Variants in DPP9 observed in about 807,000 individuals in gnomAD.
DPP9 encodes dipeptidyl peptidase 9, also known as dipeptidyl peptidase IV-related protein-2.
Under a neutral mutation model 110.7 loss-of-function variants are expected in DPP9, and 50 were observed. That is an observed-to-expected ratio of 0.45 (90% confidence interval 0.36 to 0.57). The LOEUF is 0.57. Ranked by LOEUF, DPP9 falls within the 20% of genes least tolerant of loss-of-function variation. The probability of loss-of-function intolerance (pLI) is 0.00; values close to 1 mark genes in which losing one functional copy is unlikely to be tolerated. For missense variants in DPP9, 1,022 were observed against 1,217.9 expected (o/e 0.84, Z 2.39); for synonymous variants, 561 against 514.4 (o/e 1.09, Z -1.23).
rs759033909 is a variant in DPP9, at chr19:4,685,764, G to A, written c.1893C>T (p.Pro631=). The A allele has an allele frequency of 1.4e-5, 22 of 1,612,832 alleles. No homozygotes were observed. Among genetic ancestry groups the A allele is most frequent in the Admixed American group, 1.2e-4 (7 of 59,996 alleles). ...WASMMEAASC[P]PDYVPPEIFH... ...AGATCTCTGGAGGAACATAATCCGG[G>A]GGGCAGCCTGCGGGAGACAGGGCGG... Residue 631 remains proline, a synonymous_variant, in exon 17 of 22, where the codon CCC becomes CCT. Transcript: ENST00000262960. The surrounding 1 kb of genome is among the most constrained non-coding windows in gnomAD (Gnocchi z 5.8).
At chr19:4,706,419 T>C (rs1333066852) in intron 4 of DPP9, among the ~76,000 whole-genome samples, 1 of 150,896 alleles carries the variant, frequency 6.6e-6, no homozygotes, top group Non-Finnish European at 1.5e-5. Context: ...GAAACAAACA[T>C]CCAACTCTCA....
rs910208986 is a variant in DPP9, at chr19:4,687,966, T to C, written c.1885+791A>G. Among the ~76,000 whole-genome samples the C allele has an allele frequency of 6.6e-6, 1 of 152,036 alleles. No homozygotes were observed. Among genetic ancestry groups the C allele is most frequent in the African/African-American group, 2.4e-5 (1 of 41,388 alleles). On this transcript the variant is annotated intron_variant, in intron 16 of 21. Coordinates refer to ENST00000262960, the MANE Select transcript of DPP9 (RefSeq NM_139159.5). This position sits in a 1 kb window ranked among gnomAD's most constrained non-coding sequence, Gnocchi z 4.7. ...CGCCCGCCACCATGCTCGGCTAATTTTTTGTATTTTTAGTAGAGATGGTGT... is the reference window on the plus strand; with the variant it reads ...CGCCCGCCACCATGCTCGGCTAATTCTTTGTATTTTTAGTAGAGATGGTGT...
At position 4,694,823 on chromosome 19, in the gene DPP9, C is replaced by A; in HGVS notation, c.1354G>T (p.Val452Phe). Reference sequence around the variant, plus strand: ...GGGAAGGGATAGAAGATGTCATGAACCTGTCCGGAAAGCAGATAGAAGATG... The same window carrying A: ...GGGAAGGGATAGAAGATGTCATGAAACTGTCCGGAAAGCAGATAGAAGATG... ...YEEVTNVWINVHDIFYPFPQS... is the reference protein window; with the variant it reads ...YEEVTNVWINFHDIFYPFPQS... Residue 452 changes from valine to phenylalanine, a missense_variant and splice_region_variant, in exon 13 of 22, where the codon GTT becomes TTT. Coordinates refer to ENST00000262960, the MANE Select transcript of DPP9 (RefSeq NM_139159.5). This position sits in a 1 kb window ranked among gnomAD's most constrained non-coding sequence, Gnocchi z 4.0. 6.2e-7 allele frequency: 1 copy of A among 1,613,674 alleles called. No individual in the cohort carries two copies.
intron 21 of DPP9, among the ~76,000 whole-genome samples, chr19:4,678,952 G>A (rs952365690): frequency 2.0e-5 from 3 of 152,012 alleles, no homozygotes; most frequent in East Asian, 1.9e-4. Context: ...CCAACTCTAT[G>A]CTCTGCTCAC....
chr19:4,700,327 G>T lies in DPP9; in HGVS notation c.1013-50C>A. 2 of 1,516,486 alleles carry T rather than the reference G, an allele frequency of 1.3e-6. No homozygotes were observed. Among genetic ancestry groups the T allele is most frequent in the East Asian group, 2.4e-5 (1 of 42,244 alleles). The allele number at this position is 1,516,486 out of a possible 1,614,324, so 93.9% of individuals were successfully genotyped here. A position where few individuals can be genotyped will look rare whatever the true frequency, so the allele number is the denominator to read the frequency against. Reference sequence around the variant, plus strand: ...CACCAGGCAGGCATCACCCGTGTGTGCCGAGAGCCGGCACGGGGGGCCTGG... The same window carrying T: ...CACCAGGCAGGCATCACCCGTGTGTTCCGAGAGCCGGCACGGGGGGCCTGG... On this transcript the variant is annotated intron_variant, in intron 9 of 21. Coordinates refer to ENST00000262960, the MANE Select transcript of DPP9 (RefSeq NM_139159.5). This position sits in a 1 kb window ranked among gnomAD's most constrained non-coding sequence, Gnocchi z 4.3.
chr19:4,714,443 C>T (rs1280185273), intron 3 of DPP9, 106 bp from the exon 4 acceptor site: 3 of 1,395,034 alleles, frequency 2.2e-6, no homozygotes, highest in South Asian at 1.5e-5. Context: ...ACGAGCCCCA[C>T]CCCTGCCGCT....
At chr19:4,686,365 G>A (rs371466642) in intron 16 of DPP9, among the ~76,000 whole-genome samples, 4 of 149,516 alleles carry the variant, frequency 2.7e-5, no homozygotes, top group Admixed American at 1.3e-4. Flanking sequence ...TGTCACCCAG[G>A]CTGCAATGCA....
In DPP9 at chr19:4,676,381, G is replaced by A. The variant is rs987580940; in HGVS notation, c.*183C>T. 3 of 604,080 alleles carry A rather than the reference G, an allele frequency of 5.0e-6. No homozygotes were observed. The highest frequency in any genetic ancestry group is 8.9e-6 in the Non-Finnish European group (3 of 337,442). The allele number at this position is 604,080 out of a possible 1,614,324, so 37.4% of individuals were successfully genotyped here. ...AAGAAGCAGCGGACATAAAACCCAA[G>A]AGCGTTTAAAAAAGGATAAAAGGCG... is the stretch of plus-strand genomic sequence containing the variant. On this transcript the variant is annotated 3_prime_UTR_variant, in exon 22 of 22. Transcript: ENST00000262960. This position sits in a 1 kb window ranked among gnomAD's most constrained non-coding sequence, Gnocchi z 4.0.
chr19:4,689,549 C>T lies in DPP9; in HGVS notation c.1749+21G>A, dbSNP rs767554986. 9.7e-6 allele frequency: 15 copies of T among 1,545,504 alleles called. No individual in the cohort carries two copies. The highest frequency in any genetic ancestry group is 6.8e-5 in the African/African-American group (5 of 73,228). ...CTGTTGGACGGGCACAGGGCGGTGC[C>T]GTGAGGCTGGGCGGTCCCACCTGGC... is the stretch of plus-strand genomic sequence containing the variant. On this transcript the variant is annotated intron_variant, in intron 15 of 21. Transcript: ENST00000262960. The surrounding 1 kb of genome is among the most constrained non-coding windows in gnomAD (Gnocchi z 7.0).
rs1036267216 is a variant in DPP9, at chr19:4,693,580, C to T, written c.1516+1081G>A. ...GATCCCCCACCCTTTCCACTGCAAA[C>T]GGTGTGGGCTCAGCTGTCCAAGCAC... On this transcript the variant is annotated intron_variant, in intron 13 of 21. Transcript: ENST00000262960. This position sits in a 1 kb window ranked among gnomAD's most constrained non-coding sequence, Gnocchi z 5.0. Among the ~76,000 whole-genome samples the T allele has an allele frequency of 6.6e-6, 1 of 152,130 alleles. No individual in the cohort carries two copies. Among genetic ancestry groups the T allele is most frequent in the Non-Finnish European group, 1.5e-5 (1 of 68,002 alleles).
Position 4,714,255 on chromosome 19 carries a change from C to A in DPP9, c.139G>T (p.Asp47Tyr). Reference protein sequence around the residue: ...TADRGDAAATDDPAARFQVQK... With the variant: ...TADRGDAAATYDPAARFQVQK... The stretch of plus-strand genomic sequence containing the variant: ...ACCTGGAAGCGGGCGGCCGGGTCAT[C>A]TGTGGCGGCTGCGTCGCCTCGGTCG... Residue 47 changes from aspartate to tyrosine, a missense_variant, in exon 4 of 22, where the codon GAT (aspartate) becomes TAT (tyrosine). By Grantham distance (160) the Asp-to-Tyr change is radical (BLOSUM62 -3). Around this residue, in one of 3 missense-constraint regions of DPP9, gnomAD observed 810 missense variants for 920.6 expected, o/e 0.88. Transcript: ENST00000262960. The A allele has an allele frequency of 6.3e-7, 1 of 1,578,992 alleles. No individual in the cohort carries two copies. The highest frequency in any genetic ancestry group is 2.3e-5 in the East Asian group (1 of 42,992).
At chr19:4,716,859 G>A (rs1369192598) in intron 3 of DPP9, among the ~76,000 whole-genome samples, 1 of 152,128 alleles carries the variant, frequency 6.6e-6, no homozygotes, top group Non-Finnish European at 1.5e-5. Context: ...GATAAGCCCA[G>A]CAATTACAGC....
chr19:4,705,719 A>C, intron 5 of DPP9, 139 bp downstream of exon 5: 1 of 728,136 alleles, frequency 1.4e-6, no homozygotes, highest in Non-Finnish European at 2.3e-6. Context: ...CTCACCCGCC[A>C]GAGTCCACAG....
Position 4,689,861 on chromosome 19 carries a change from C to A in DPP9, c.1597-139G>T. The A allele has an allele frequency of 2.1e-6, 2 of 971,398 alleles. No homozygotes were observed. The highest frequency in any genetic ancestry group is 2.9e-6 in the Non-Finnish European group (2 of 682,088). 60.2% of individuals were successfully genotyped at this position (971,398 alleles called of 1,614,324 possible). ...TCCTCGCCCAAGTCTGGCTTTAGGG[C>A]TGGAGATGAACCATCCCTGAGAGAT... On this transcript the variant is annotated intron_variant, in intron 14 of 21. Coordinates refer to ENST00000262960, the MANE Select transcript of DPP9 (RefSeq NM_139159.5). This position sits in a 1 kb window ranked among gnomAD's most constrained non-coding sequence, Gnocchi z 7.0.
Position 4,695,184 on chromosome 19 carries a change from C to T in DPP9, c.1353+194G>A. The T allele has an allele frequency of 1.7e-6, 1 of 602,242 alleles. No individual in the cohort carries two copies. The highest frequency in any genetic ancestry group is 2.8e-6 in the Non-Finnish European group (1 of 353,120). 37.3% of individuals were successfully genotyped at this position (602,242 alleles called of 1,614,324 possible). A position where few individuals can be genotyped will look rare whatever the true frequency, so the allele number is the denominator to read the frequency against. On this transcript the variant is annotated intron_variant, in intron 12 of 21. Coordinates refer to ENST00000262960, the MANE Select transcript of DPP9 (RefSeq NM_139159.5). This position sits in a 1 kb window ranked among gnomAD's most constrained non-coding sequence, Gnocchi z 4.7. ...AAAAAATAGATGAGGGGAGAGGCTC[C>T]AATGGCTGCCAGACTCACCAACCCC... is the stretch of plus-strand genomic sequence containing the variant.
At position 4,697,575 on chromosome 19, in the gene DPP9, G is replaced by A; in HGVS notation, c.1151C>T (p.Ala384Val). Residue 384 changes from alanine to valine, a missense_variant, in exon 11 of 22, where the codon GCC becomes GTC. By Grantham distance (64) the Ala-to-Val change is moderately conservative. Around this residue, in one of 3 missense-constraint regions of DPP9, gnomAD observed 810 missense variants for 920.6 expected, o/e 0.88. Coordinates refer to ENST00000262960, the MANE Select transcript of DPP9 (RefSeq NM_139159.5). ...CTATTTGCCATCCCGGGTCCACCCG[G>A]CCCTGGCGATGTACTCCACCTTCGG... ...LFPKVEYIAR[A>V]GWTRDGKYAW... The A allele has an allele frequency of 1.9e-6, 3 of 1,613,814 alleles. No homozygotes were observed. Among genetic ancestry groups the A allele is most frequent in the Non-Finnish European group, 2.5e-6 (3 of 1,179,792 alleles).
rs1172639245 is a variant in DPP9, at chr19:4,719,918, C to G, written c.-12G>C. The G allele has an allele frequency of 2.6e-6, 4 of 1,551,734 alleles. No individual in the cohort carries two copies. The Admixed American group carries it at 7.8e-5, about 30-fold the overall frequency. ...TTAACCTTCCGCATTAACCGCTCAG[C>G]TGACCTCAGGAGGGCAGGGGTGCCT... On this transcript the variant is annotated 5_prime_UTR_variant, in exon 3 of 22. Coordinates refer to ENST00000262960, the MANE Select transcript of DPP9 (RefSeq NM_139159.5).
Position 4,701,634 on chromosome 19 carries a change from C to A in DPP9, c.1012+393G>T, listed in dbSNP as rs147866580. Among the ~76,000 whole-genome samples the A allele has an allele frequency of 2.9e-3, 448 of 152,338 alleles. 5 individuals carry two copies. Among genetic ancestry groups the A allele is most frequent in the African/African-American group, 0.01 (418 of 41,572 alleles). ...TCGCTAATATGAAAATCATATGTAT[C>A]TCAAGGTGAATTATTTGTAATCCAA... On this transcript the variant is annotated intron_variant, in intron 9 of 21. Coordinates refer to ENST00000262960, the MANE Select transcript of DPP9 (RefSeq NM_139159.5).
At chr19:4,708,482 T>A (rs1343848213) in intron 4 of DPP9, among the ~76,000 whole-genome samples, 1 of 152,100 alleles carries the variant, frequency 6.6e-6, no homozygotes, top group Non-Finnish European at 1.5e-5. Context: ...GTGGGTTCAG[T>A]GGGATGAAAC....
Sources: gnomAD v4.1 joint callset for allele counts (sites outside exome capture counted in the v4.1 genomes callset) on GRCh38, gnomAD v4.1.1 for gene constraint, gnomAD v4.1.1 regional missense constraint, Gnocchi (gnomAD v3.1) non-coding constraint, MANE v1.5 for transcripts, NCBI Gene and HGNC (gene_info 2026-07-23, HGNC 2026-07-21) for gene names.